Variants in TEAD1 observed in about 807,000 individuals in gnomAD.
The protein encoded by TEAD1 is transcriptional enhancer factor TEF-1.
In TEAD1, 9 loss-of-function variants were observed where a neutral mutation model predicts 54.9. The observed-to-expected ratio is 0.16, with a 90% confidence interval of 0.10 to 0.29. TEAD1 has a LOEUF of 0.29. Ranked by LOEUF, TEAD1 falls within the 10% of genes least tolerant of loss-of-function variation. The pLI is 1.00. For missense variants in TEAD1, 387 were observed against 535.9 expected, an observed-to-expected ratio of 0.72 and a Z score of 2.74; for synonymous variants, 200 against 187.8, an observed-to-expected ratio of 1.07 and a Z score of -0.53.
At chr11:12,763,737 T>C (rs955856165) in intron 2 of TEAD1, among the ~76,000 whole-genome samples, 1 of 152,176 alleles carries the variant, frequency 6.6e-6, no homozygotes, top group Non-Finnish European at 1.5e-5. Flanking sequence ...CTTTGGAGAT[T>C]TGATGATCAT....
In TEAD1 at chr11:12,883,035, C is replaced by T. The variant is rs554296029; in HGVS notation, c.609C>T (p.Val203=). The change falls in exon 9 of 13, where the codon GTC becomes GTT. Residue 203 remains valine, a synonymous_variant. Transcript: ENST00000527636. ...CTGCATCGGCCCCAGCTCCCTCAGT[C>T]CCTGCCTGGCAAGGTCGCTCCATTG... The T allele has an allele frequency of 1.5e-5, 25 of 1,614,054 alleles. No individual in the cohort carries two copies. The East Asian group carries it at 3.8e-4, about 24-fold the overall frequency.
In TEAD1 at chr11:12,906,653, C is replaced by T. The variant is rs143854977; in HGVS notation, c.873+4540C>T. On this transcript the variant is annotated intron_variant, in intron 10 of 12. Coordinates refer to ENST00000527636, the MANE Select transcript of TEAD1 (RefSeq NM_021961.6). ...CAGCGTTGGAATTTGTCTGTCACCC[C>T]GCGAGGATCTCCTGTGCCCATTTGT... Among the ~76,000 whole-genome samples, 77 of 152,238 alleles carry T rather than the reference C, an allele frequency of 5.1e-4. No individual in the cohort carries two copies. In the East Asian group the frequency reaches 6.9e-3, roughly 14 times the overall value.
chr11:12,681,880 G>T (rs2133811881), intron 2 of TEAD1, among the ~76,000 whole-genome samples: 1 of 152,364 alleles, frequency 6.6e-6, no homozygotes, highest in South Asian at 2.1e-4. Flanking sequence ...GCTAACTCAG[G>T]ATGGTTCTGA....
chr11:12,913,163 C>T (rs1313406669), intron 10 of TEAD1, among the ~76,000 whole-genome samples: 1 of 152,152 alleles, frequency 6.6e-6, no homozygotes, highest in Non-Finnish European at 1.5e-5. Flanking sequence ...GGATCTCAGT[C>T]AGTTGCTTAA....
At chr11:12,916,521 G>C (rs1205551722) in intron 10 of TEAD1, among the ~76,000 whole-genome samples, 1 of 152,156 alleles carries the variant, frequency 6.6e-6, no homozygotes, top group Non-Finnish European at 1.5e-5. Flanking sequence ...GTTAATGACT[G>C]TGAATTTTAT....
intron 5 of TEAD1, 57 bp downstream of exon 5, chr11:12,864,957 C>A (rs1315632007): frequency 1.3e-6 from 2 of 1,581,244 alleles, no homozygotes; most frequent in African/African-American, 2.7e-5. Flanking sequence ...TTCCTGTTTT[C>A]CATGGTGACT....
chr11:12,733,247 G>A (rs1590095940), intron 2 of TEAD1, among the ~76,000 whole-genome samples: 2 of 152,202 alleles, frequency 1.3e-5, no homozygotes, highest in Non-Finnish European at 2.9e-5. Flanking sequence ...CTAGGTAGAG[G>A]CCTGTTGAAT....
chr11:12,884,200 C>T (rs1948038902), intron 9 of TEAD1, among the ~76,000 whole-genome samples: 1 of 152,118 alleles, frequency 6.6e-6, no homozygotes, highest in South Asian at 2.1e-4. Context: ...TGTGATCCTC[C>T]CTTCTTTCCC....
At chr11:12,732,135 G>C (rs535319924) in intron 2 of TEAD1, among the ~76,000 whole-genome samples, 3 of 150,704 alleles carry the variant, frequency 2.0e-5, no homozygotes, top group African/African-American at 7.4e-5. Context: ...ATTAAATTTC[G>C]ACCTTATTAA....
At chr11:12,863,869 G>A (rs1010001739) in intron 4 of TEAD1, among the ~76,000 whole-genome samples, 31 of 152,096 alleles carry the variant, frequency 2.0e-4, no homozygotes, top group Non-Finnish European at 3.7e-4. Flanking sequence ...CCGGCATCCT[G>A]GGGATGTTTT....
intron 3 of TEAD1, among the ~76,000 whole-genome samples, chr11:12,766,415 A>G (rs1945208350): frequency 6.6e-6 from 1 of 152,250 alleles, no homozygotes; most frequent in South Asian, 2.1e-4. Flanking sequence ...AAGAAGAACA[A>G]AGAGAAGCTT....
chr11:12,877,972 T>TG (rs1554944999), intron 5 of TEAD1, among the ~76,000 whole-genome samples: 109 of 150,262 alleles, frequency 7.3e-4, no homozygotes, highest in African/African-American at 2.0e-3. Context: ...TAATTTTTTT[T>TG]TTTGTGTGTG....
chr11:12,745,265 T>A (rs1944723870), intron 2 of TEAD1, among the ~76,000 whole-genome samples: 1 of 152,178 alleles, frequency 6.6e-6, no homozygotes, highest in Non-Finnish European at 1.5e-5. Flanking sequence ...TTGCACGGTG[T>A]GATGTGCCCT....
chr11:12,675,112 G>GCCGCGCCCC (rs1943050204), intron 1 of TEAD1, among the ~76,000 whole-genome samples: 2 of 147,276 alleles, frequency 1.4e-5, no homozygotes, highest in Admixed American at 6.7e-5. Flanking sequence ...GGCCGGCCGC[G>GCCGCGCCCC]CCGCGCCCCC....
At chr11:12,677,881 T>C (rs1478292914) in intron 2 of TEAD1, among the ~76,000 whole-genome samples, 1 of 152,196 alleles carries the variant, frequency 6.6e-6, no homozygotes, top group Non-Finnish European at 1.5e-5. Flanking sequence ...TCTAATCTCA[T>C]GTGTTATGTG....
intron 3 of TEAD1, among the ~76,000 whole-genome samples, chr11:12,844,959 C>CTT (rs3046338): frequency 0.32 from 20,727 of 64,842 alleles, 3,364 homozygotes; most frequent in East Asian, 0.53. Context: ...TGTATGAAAT[C>CTT]TTTTTTTTTT....
intron 12 of TEAD1, 67 bp downstream of exon 12, chr11:12,930,393 TG>T: frequency 6.2e-7 from 1 of 1,603,524 alleles, no homozygotes; most frequent in Non-Finnish European, 8.5e-7. Flanking sequence ...GTGAGGAAGG[TG>T]GGCCTGGGAG....
At chr11:12,888,977 A>T (rs947831794) in intron 9 of TEAD1, among the ~76,000 whole-genome samples, 4 of 152,118 alleles carry the variant, frequency 2.6e-5, no homozygotes, top group Admixed American at 2.6e-4. Flanking sequence ...TCATGTGTAA[A>T]CCAGACGGCA....
intron 2 of TEAD1, among the ~76,000 whole-genome samples, chr11:12,705,406 G>A (rs1943793244): frequency 1.3e-5 from 2 of 152,198 alleles, no homozygotes; most frequent in South Asian, 4.1e-4. Flanking sequence ...AAAGGGGCCT[G>A]GGATGCTTCA....
Sources: gnomAD v4.1 joint callset for allele counts (sites outside exome capture counted in the v4.1 genomes callset) on GRCh38, gnomAD v4.1.1 for gene constraint, MANE v1.5 for transcripts, NCBI Gene and HGNC (gene_info 2026-07-23, HGNC 2026-07-21) for gene names.